The following MYO5A variants were observed in gnomAD, a reference collection of about 807,000 sequenced individuals.
MYO5A encodes the protein unconventional myosin-Va.
MYO5A carries 98 observed loss-of-function variants against 249.7 expected under a neutral mutation model. The ratio of observed to expected loss-of-function variants is 0.39; its 90% CI spans 0.33 to 0.46. The LOEUF (loss-of-function observed/expected upper bound fraction) is 0.46, where lower values mean the gene tolerates loss of function less well. Ranked by LOEUF, MYO5A falls within the 20% of genes least tolerant of loss-of-function variation. The probability of loss-of-function intolerance (pLI) is 0.98; values close to 1 mark genes in which losing one functional copy is unlikely to be tolerated. For synonymous variants in MYO5A, 778 were observed against 810.6 expected, an observed-to-expected ratio of 0.96 and a Z score of 0.68; for missense variants, 1,696 against 2,308.8, an observed-to-expected ratio of 0.73 and a Z score of 5.44.
At chr15:52,482,166 G>A (rs534226962) in intron 1 of MYO5A, among the ~76,000 whole-genome samples, 6 of 152,294 alleles carry the variant, frequency 3.9e-5, no homozygotes, top group African/African-American at 1.4e-4. Flanking sequence ...GGCATGCACG[G>A]GGTCTGTGAG....
chr15:52,505,661 T>C (rs1280108017), intron 1 of MYO5A: 4 of 1,246,628 alleles, frequency 3.2e-6, no homozygotes, highest in African/African-American at 1.5e-5. Flanking sequence ...ATGGCGAAAT[T>C]AGAGGGCGTC....
chr15:52,466,863 C>T (rs2076364026), intron 1 of MYO5A, among the ~76,000 whole-genome samples: 1 of 152,214 alleles, frequency 6.6e-6, no homozygotes, highest in Non-Finnish European at 1.5e-5. Flanking sequence ...GAGCACAGCA[C>T]TTGAGAAAGA....
chr15:52,341,061 T>C (rs2039361182), intron 31 of MYO5A, among the ~76,000 whole-genome samples: 1 of 152,056 alleles, frequency 6.6e-6, no homozygotes, highest in Admixed American at 6.5e-5. Flanking sequence ...AGCATTTAAA[T>C]TGGCAAAGAC....
chr15:52,403,941 T>C (rs1481717403), intron 9 of MYO5A, among the ~76,000 whole-genome samples: 3 of 152,186 alleles, frequency 2.0e-5, no homozygotes, highest in African/African-American at 7.2e-5. Context: ...TCTGCCCATC[T>C]AGCTCTTGGC....
At chr15:52,328,987 A>C (rs1459430935) in intron 35 of MYO5A, 1 of 152,192 alleles carries the variant, frequency 6.6e-6, no homozygotes, top group African/African-American at 2.4e-5. Context: ...AATTTTACAC[A>C]AACCAGTATA....
At chr15:52,413,125 C>A (rs72736669) in intron 5 of MYO5A, among the ~76,000 whole-genome samples, 21,766 of 109,696 alleles carry the variant, frequency 0.2, 1,733 homozygotes, top group Middle Eastern at 0.41. Context: ...GCAGCCTGGA[C>A]AACAAGAGCG....
intron 24 of MYO5A, among the ~76,000 whole-genome samples, chr15:52,360,367 C>T (rs1012020494): frequency 1.3e-5 from 2 of 152,182 alleles, no homozygotes; most frequent in South Asian, 2.1e-4. Flanking sequence ...AAGCTTTGAG[C>T]GGTCAGTCAC....
At chr15:52,518,437 C>T (rs1361997444) in intron 1 of MYO5A, among the ~76,000 whole-genome samples, 9 of 152,094 alleles carry the variant, frequency 5.9e-5, no homozygotes, top group African/African-American at 2.4e-5. Context: ...AATACACATT[C>T]CGACTTTATG....
chr15:52,439,275 T>A (rs1005174037), intron 1 of MYO5A, among the ~76,000 whole-genome samples: 1 of 152,232 alleles, frequency 6.6e-6, no homozygotes, highest in Non-Finnish European at 1.5e-5. Context: ...AACACTGTCA[T>A]GTAGCTGGAT....
intron 37 of MYO5A, among the ~76,000 whole-genome samples, chr15:52,322,727 T>A (rs2038389162): frequency 6.6e-6 from 1 of 152,116 alleles, no homozygotes; most frequent in South Asian, 2.1e-4. Context: ...ACAATAGAGT[T>A]TTTTTGGACA....
intron 1 of MYO5A, among the ~76,000 whole-genome samples, chr15:52,504,840 G>T (rs890815003): frequency 6.6e-6 from 1 of 150,938 alleles, no homozygotes; most frequent in African/African-American, 2.4e-5. Context: ...AGGGAGCTGA[G>T]ATCGCACCAC....
At chr15:52,498,757 T>C (rs1023488073) in intron 1 of MYO5A, among the ~76,000 whole-genome samples, 1 of 152,234 alleles carries the variant, frequency 6.6e-6, no homozygotes, top group Non-Finnish European at 1.5e-5. Flanking sequence ...TTTGAACATG[T>C]TGTTGTTGTA....
intron 1 of MYO5A, among the ~76,000 whole-genome samples, chr15:52,440,482 G>A (rs996559650): frequency 6.6e-6 from 1 of 152,160 alleles, no homozygotes; most frequent in South Asian, 2.1e-4. Flanking sequence ...TGGCCAGGCT[G>A]GTCTTGAACC....
chr15:52,411,993 T>C (rs1028607038), intron 5 of MYO5A, among the ~76,000 whole-genome samples: 2 of 152,236 alleles, frequency 1.3e-5, no homozygotes, highest in African/African-American at 2.4e-5. Context: ...CCTCTTGATA[T>C]TACAAAACAC....
At chr15:52,331,847 G>C in intron 34 of MYO5A, 1 of 985,408 alleles carries the variant, frequency 1.0e-6, no homozygotes, top group Non-Finnish European at 1.2e-6. Flanking sequence ...CTAAAGAGTG[G>C]TCAGATTGTG....
chr15:52,442,807 G>A (rs1479521752), intron 1 of MYO5A, among the ~76,000 whole-genome samples: 7 of 149,588 alleles, frequency 4.7e-5, no homozygotes, highest in Non-Finnish European at 8.9e-5. Flanking sequence ...CCAGGCTGGA[G>A]TGCAGTGGCA....
chr15:52,397,131 C>G, intron 10 of MYO5A, 70 bp downstream of exon 10: 1 of 1,557,760 alleles, frequency 6.4e-7, no homozygotes, highest in Admixed American at 1.7e-5. Flanking sequence ...ATCAAATGCC[C>G]ACTTAGAGTT....
intron 12 of MYO5A, among the ~76,000 whole-genome samples, chr15:52,389,675 G>A (rs552852822): frequency 3.3e-5 from 5 of 152,242 alleles, no homozygotes; most frequent in South Asian, 2.1e-4. Flanking sequence ...AAAGCTGGCC[G>A]GGCGTGGTGG....
intron 29 of MYO5A, among the ~76,000 whole-genome samples, chr15:52,346,960 AAAG>A (rs1469530242): frequency 6.6e-6 from 1 of 151,936 alleles, no homozygotes; most frequent in Admixed American, 6.6e-5. Context: ...AAACTCAGAA[AAAG>A]AAGGTAGTAT....
Sources: allele counts gnomAD v4.1 joint callset (sites outside exome capture counted in the v4.1 genomes callset), GRCh38; gene constraint gnomAD v4.1.1; transcripts MANE v1.5; gene names NCBI Gene and HGNC (gene_info 2026-07-23, HGNC 2026-07-21).